The following FBN1 variants were observed in gnomAD, a reference collection of about 807,000 sequenced individuals.
The protein encoded by FBN1 is fibrillin-1.
FBN1 carries 29 observed loss-of-function variants against 365.1 expected under a neutral mutation model. That is an observed-to-expected ratio of 0.08 (90% CI 0.06 to 0.11). FBN1 has a LOEUF of 0.11. FBN1 is among the 10% of genes least tolerant of loss of function. FBN1 has a pLI of 1.00. For synonymous variants in FBN1, 1,210 were observed against 1,270.5 expected, an observed-to-expected ratio of 0.95 and a Z score of 1.01; for missense variants, 2,476 against 3,703.2, an observed-to-expected ratio of 0.67 and a Z score of 8.60.
Position 48,602,205 on chromosome 15 carries a change from A to C in FBN1, c.347-1971T>G, listed in dbSNP as rs549247938. Reference sequence around the variant, plus strand: ...TCTATCTCCAAAACCCATTTCAAATATTGCTTCCTTCCGCTAATCTTTTCT... The same window carrying C: ...TCTATCTCCAAAACCCATTTCAAATCTTGCTTCCTTCCGCTAATCTTTTCT... On this transcript the variant is annotated intron_variant, in intron 4 of 65. Transcript: ENST00000316623. Among the ~76,000 whole-genome samples, 341 of 152,198 alleles carry C rather than the reference A, an allele frequency of 2.2e-3. 1 individual carries two copies. Among genetic ancestry groups the C allele is most frequent in the African/African-American group, 7.9e-3 (327 of 41,526 alleles).
intron 2 of FBN1, among the ~76,000 whole-genome samples, chr15:48,613,896 C>G (rs1051839609): frequency 6.6e-6 from 1 of 152,108 alleles, no homozygotes; most frequent in African/African-American, 2.4e-5. Flanking sequence ...CCACTGCACT[C>G]CAGCCTGGGC....
At chr15:48,613,654 G>A (rs898848289) in intron 2 of FBN1, among the ~76,000 whole-genome samples, 5 of 152,160 alleles carry the variant, frequency 3.3e-5, no homozygotes, top group Admixed American at 1.3e-4. Context: ...CAGGCCAGGC[G>A]CGGTGGCTCA....
rs913328743 is a variant in FBN1 at position 48,425,649 on chromosome 15, C to T, written c.7330+90G>A. Reference sequence around the variant, plus strand: ...TCCTGTGCTTTCCTATGAAACTGCACAGACTTTTTAGATTTTTAGCTTTGG... The same window carrying T: ...TCCTGTGCTTTCCTATGAAACTGCATAGACTTTTTAGATTTTTAGCTTTGG... On this transcript the variant is annotated intron_variant, in intron 59 of 65. Coordinates refer to ENST00000316623, the MANE Select transcript of FBN1 (RefSeq NM_000138.5). 3 of 1,557,636 alleles carry T rather than the reference C, an allele frequency of 1.9e-6. No individual in the cohort carries two copies. In the African/African-American group the frequency reaches 4.1e-5, roughly 21 times the overall value.
intron 6 of FBN1, among the ~76,000 whole-genome samples, chr15:48,582,310 G>A (rs1055081202): frequency 1.3e-5 from 2 of 152,160 alleles, no homozygotes; most frequent in Non-Finnish European, 2.9e-5. Context: ...CTCCCGTGTG[G>A]AGTATAAAAT....
intron 37 of FBN1, 81 bp downstream of exon 37, chr15:48,468,331 C>T: frequency 6.4e-7 from 1 of 1,569,490 alleles, no homozygotes; most frequent in African/African-American, 1.3e-5. Context: ...ATTTTGCAAA[C>T]TTTGAGAATG....
chr15:48,430,634 G>C (rs373732100), intron 56 of FBN1, 37 bp downstream of exon 56: 3 of 1,612,486 alleles, frequency 1.9e-6, no homozygotes, highest in South Asian at 1.1e-5. Flanking sequence ...TGTCACTTCT[G>C]ATGCACTCAA....
chr15:48,408,413 A>T lies in FBN1; in HGVS notation c.*2577T>A, dbSNP rs1268307633. ...GCAATATCCAAAGTGATTTTGGCTG[A>T]GTAAACTGCTATTTGTTGAACAAAA... is the stretch of plus-strand genomic sequence containing the variant. On this transcript the variant is annotated 3_prime_UTR_variant, in exon 66 of 66. Transcript: ENST00000316623. 6.5e-6 allele frequency: 1 copy of T among 152,682 alleles called. No homozygotes were observed. The highest frequency in any genetic ancestry group is 1.5e-5 in the Non-Finnish European group (1 of 68,044). 9.5% of individuals were successfully genotyped at this position (152,682 alleles called of 1,614,324 possible).
intron 6 of FBN1, among the ~76,000 whole-genome samples, chr15:48,586,125 G>C (rs2044433564): frequency 6.6e-6 from 1 of 152,290 alleles, no homozygotes; most frequent in South Asian, 2.1e-4. Flanking sequence ...CAAGCACTGG[G>C]TCAGTTAATC....
At chr15:48,632,141 C>A (rs887393875) in intron 2 of FBN1, among the ~76,000 whole-genome samples, 2 of 151,304 alleles carry the variant, frequency 1.3e-5, no homozygotes, top group Non-Finnish European at 3.0e-5. Flanking sequence ...CCCCAAACTG[C>A]CTTTAAGTAT....
intron 2 of FBN1, among the ~76,000 whole-genome samples, chr15:48,634,293 T>C (rs1057454558): frequency 1.1e-4 from 17 of 152,184 alleles, no homozygotes; most frequent in Admixed American, 9.2e-4. Context: ...TTCCACTGCA[T>C]TCCTCTAAAT....
chr15:48,531,653 G>GCC (rs1168274126), intron 8 of FBN1, among the ~76,000 whole-genome samples: 1 of 152,116 alleles, frequency 6.6e-6, no homozygotes, highest in Non-Finnish European at 1.5e-5. Flanking sequence ...ACCAGCCGAT[G>GCC]CCCAGAGTTA....
chr15:48,478,040 C>G (rs2043435808), intron 32 of FBN1, among the ~76,000 whole-genome samples: 1 of 152,202 alleles, frequency 6.6e-6, no homozygotes. Context: ...ATCACCCACA[C>G]AAACACCTGC....
chr15:48,474,995 C>T, intron 32 of FBN1, among the ~76,000 whole-genome samples: 1 of 151,044 alleles, frequency 6.6e-6, no homozygotes, highest in East Asian at 1.9e-4. Context: ...TTTTCTTTTG[C>T]TAGTATTTTT....
At chr15:48,506,308 ACTTT>A (rs2043707271) in intron 15 of FBN1, among the ~76,000 whole-genome samples, 1 of 152,188 alleles carries the variant, frequency 6.6e-6, no homozygotes, top group Admixed American at 6.5e-5. Context: ...GGGACTATTA[ACTTT>A]CTCCTGACCT....
Position 48,471,081 on chromosome 15 carries a change from G to GT in FBN1, c.4337-326dup, listed in dbSNP as rs548930500. 5.7e-3 allele frequency among the ~76,000 whole-genome samples: 811 copies of GT among 142,736 alleles called. 5 individuals carry two copies. The highest frequency in any genetic ancestry group is 0.011 in the Middle Eastern group (3 of 278). 93.6% of individuals were successfully genotyped at this position (142,736 alleles called of 152,430 possible). On this transcript the variant is annotated intron_variant, in intron 35 of 65. Coordinates refer to ENST00000316623, the MANE Select transcript of FBN1 (RefSeq NM_000138.5). ...AAGCAAGCCACCTTACGCTAAATTC[G>GT]TTTTTTTTTTTTAATCTATCTATGT...
intron 6 of FBN1, among the ~76,000 whole-genome samples, chr15:48,588,254 A>C (rs2044451510): frequency 6.6e-6 from 1 of 152,178 alleles, no homozygotes. Context: ...TATTGACATA[A>C]AACTTTCAGA....
At chr15:48,523,577 T>C (rs1014823322) in intron 9 of FBN1, among the ~76,000 whole-genome samples, 1 of 152,132 alleles carries the variant, frequency 6.6e-6, no homozygotes, top group African/African-American at 2.4e-5. Flanking sequence ...ATAATTTTAA[T>C]GAAAACCTAC....
chr15:48,469,261 A>G (rs991999144), intron 36 of FBN1, among the ~76,000 whole-genome samples: 2 of 151,120 alleles, frequency 1.3e-5, no homozygotes, highest in African/African-American at 4.9e-5. Flanking sequence ...AAATATATTG[A>G]GTATATGTGG....
chr15:48,418,528 T>C (rs1361245561), intron 63 of FBN1, among the ~76,000 whole-genome samples: 2 of 152,348 alleles, frequency 1.3e-5, no homozygotes, highest in African/African-American at 4.8e-5. Context: ...GTTTGTGCAC[T>C]CGCCCTTTTT....
Sources: allele counts gnomAD v4.1 joint callset (sites outside exome capture counted in the v4.1 genomes callset), GRCh38; gene constraint gnomAD v4.1.1; transcripts MANE v1.5; gene names NCBI Gene and HGNC (gene_info 2026-07-23, HGNC 2026-07-21).